Variants in LARGE1 observed in about 807,000 individuals in gnomAD.
LARGE1 encodes the protein LARGE xylosyl- and glucuronyltransferase 1.
A neutral mutation model predicts 87.6 loss-of-function variants in LARGE1; 43 were observed. That is an observed-to-expected ratio of 0.49 (90% confidence interval 0.38 to 0.63). LARGE1 has a LOEUF of 0.63. LARGE1 is among the 30% of genes least tolerant of loss of function. The pLI is 0.00. For missense variants in LARGE1, 802 were observed against 1,000.2 expected (o/e 0.80, Z 2.67); for synonymous variants, 434 against 394.6 (o/e 1.10, Z -1.18).
At position 33,683,732 on chromosome 22, in the gene LARGE1, T is replaced by C. The variant is rs751687534; in HGVS notation, c.107-33064A>G. Among the ~76,000 whole-genome samples the C allele has an allele frequency of 2.6e-5, 4 of 151,828 alleles. No homozygotes were observed. In the East Asian group the frequency reaches 5.8e-4, roughly 22 times the overall value. On this transcript the variant is annotated intron_variant, in intron 2 of 14. Transcript: ENST00000397394. ...GTTAGGCAATATACCCAAAGACACATAGTTACTAAATGACAGAGATACTAT... is the reference window on the plus strand; with the variant it reads ...GTTAGGCAATATACCCAAAGACACACAGTTACTAAATGACAGAGATACTAT...
At chr22:33,380,369 T>A (rs1353919725) in intron 9 of LARGE1, among the ~76,000 whole-genome samples, 2 of 152,318 alleles carry the variant, frequency 1.3e-5, no homozygotes, top group East Asian at 3.9e-4. Flanking sequence ...TATTTTGAAA[T>A]AAATTTCAAG....
At chr22:33,510,756 T>TTTG (rs1009603539) in intron 6 of LARGE1, among the ~76,000 whole-genome samples, 2 of 152,158 alleles carry the variant, frequency 1.3e-5, no homozygotes, top group Non-Finnish European at 2.9e-5. Flanking sequence ...TTTGTATTTC[T>TTTG]TTGTTGTTGT....
chr22:33,450,806 A>T (rs899269222), intron 6 of LARGE1, among the ~76,000 whole-genome samples: 1 of 152,164 alleles, frequency 6.6e-6, no homozygotes, highest in African/African-American at 2.4e-5. Flanking sequence ...TCCTAACAAA[A>T]CTGTCCTTAT....
intron 11 of LARGE1, among the ~76,000 whole-genome samples, chr22:33,232,049 G>A (rs1403722796): frequency 6.6e-6 from 1 of 152,160 alleles, no homozygotes; most frequent in East Asian, 1.9e-4. Context: ...ACCATTCACA[G>A]CCAGTTAGCA....
rs1351619470 is a variant in LARGE1, at chr22:33,507,945, C to T, written c.787+56903G>A. ...TCTGGAAGAGGGGGACCTTTAAATC[C>T]CACAATTCCTACCTCCTCCTTGCGT... On this transcript the variant is annotated intron_variant, in intron 6 of 14. Coordinates refer to ENST00000397394, the MANE Select transcript of LARGE1 (RefSeq NM_133642.5). Among the ~76,000 whole-genome samples, 6 of 152,242 alleles carry T rather than the reference C, an allele frequency of 3.9e-5. No homozygotes were observed. The South Asian group carries it at 6.2e-4, about 16-fold the overall frequency.
the LARGE1 span, among the ~76,000 whole-genome samples, chr22:33,108,023 A>G: frequency 2.6e-5 from 4 of 152,228 alleles, no homozygotes. Context: ...GGAAGACTGA[A>G]TAAAATGTAC....
intron 11 of LARGE1, among the ~76,000 whole-genome samples, chr22:33,265,603 C>T (rs551683828): frequency 7.2e-5 from 11 of 152,150 alleles, no homozygotes; most frequent in African/African-American, 1.9e-4. Flanking sequence ...CCAGCCTGTA[C>T]GTCACTACTC....
intron 2 of LARGE1, among the ~76,000 whole-genome samples, chr22:33,672,541 C>T (rs1211768194): frequency 6.6e-6 from 1 of 152,116 alleles, no homozygotes; most frequent in Non-Finnish European, 1.5e-5. Flanking sequence ...CCATGTGTTC[C>T]TAGGAGAGGA....
chr22:33,282,394 T>A (rs543532073), intron 13 of LARGE1, among the ~76,000 whole-genome samples: 15 of 152,210 alleles, frequency 9.9e-5, no homozygotes, highest in African/African-American at 3.4e-4. Flanking sequence ...AGCAAACACC[T>A]GGAGCAGGCA....
chr22:33,411,827 C>T (rs1459601387), intron 7 of LARGE1, among the ~76,000 whole-genome samples: 2 of 152,122 alleles, frequency 1.3e-5, no homozygotes, highest in Non-Finnish European at 2.9e-5. Flanking sequence ...AGAAAATACA[C>T]CATTGTATTA....
chr22:33,443,954 G>C (rs1354291324), intron 6 of LARGE1, among the ~76,000 whole-genome samples: 1 of 152,196 alleles, frequency 6.6e-6, no homozygotes, highest in African/African-American at 2.4e-5. Context: ...TCCATCCATG[G>C]AAATTTTGGA....
intron 1 of LARGE1, among the ~76,000 whole-genome samples, chr22:33,830,647 T>C (rs193082587): frequency 4.9e-4 from 74 of 152,344 alleles, no homozygotes; most frequent in African/African-American, 1.7e-3. Flanking sequence ...AGCAAGCTTA[T>C]AGAGACTGGA....
intron 6 of LARGE1, among the ~76,000 whole-genome samples, chr22:33,520,667 T>C (rs2071536676): frequency 6.6e-6 from 1 of 152,254 alleles, no homozygotes; most frequent in South Asian, 2.1e-4. Context: ...CTCCCGGAAG[T>C]GTTCTGCGTC....
chr22:33,859,394 A>G (rs541536741), intron 1 of LARGE1, among the ~76,000 whole-genome samples: 1 of 152,346 alleles, frequency 6.6e-6, no homozygotes, highest in East Asian at 1.9e-4. Context: ...AACAGATACA[A>G]ACAAAAAGCC....
chr22:33,716,880 G>A (rs2149424084), intron 2 of LARGE1, among the ~76,000 whole-genome samples: 1 of 152,330 alleles, frequency 6.6e-6, no homozygotes, highest in African/African-American at 2.4e-5. Flanking sequence ...GAAAAGACCT[G>A]CAGAGATGCC....
chr22:33,612,072 C>CT (rs2079445843), intron 4 of LARGE1, among the ~76,000 whole-genome samples: 1 of 152,202 alleles, frequency 6.6e-6, no homozygotes, highest in African/African-American at 2.4e-5. Context: ...AATTAAATCT[C>CT]TTTTCTTTCT....
chr22:33,186,849 A>G (rs1923502269), intron 11 of LARGE1, among the ~76,000 whole-genome samples: 1 of 152,176 alleles, frequency 6.6e-6, no homozygotes, highest in Non-Finnish European at 1.5e-5. Flanking sequence ...TTGAGAAATA[A>G]AATTTTGAAA....
chr22:33,734,343 A>G (rs769023357), intron 2 of LARGE1, among the ~76,000 whole-genome samples: 2 of 152,190 alleles, frequency 1.3e-5, no homozygotes, highest in Non-Finnish European at 2.9e-5. Flanking sequence ...AAAGACGAAC[A>G]TGAGCTTGCC....
chr22:33,805,753 A>G (rs1326669285), intron 1 of LARGE1, among the ~76,000 whole-genome samples: 1 of 88,680 alleles, frequency 1.1e-5, no homozygotes, highest in African/African-American at 3.0e-5. Flanking sequence ...ATAAATAAGT[A>G]AATAAATGAA....
Sources: gnomAD v4.1 joint callset for allele counts (sites outside exome capture counted in the v4.1 genomes callset) on GRCh38, gnomAD v4.1.1 for gene constraint, MANE v1.5 for transcripts, NCBI Gene and HGNC (gene_info 2026-07-23, HGNC 2026-07-21) for gene names.